Variants in ENO4 observed in about 807,000 individuals in gnomAD.
ENO4 encodes the protein enolase 4.
ENO4 carries 53 observed loss-of-function variants against 63.2 expected under a neutral mutation model. The observed-to-expected ratio is 0.84, with a 90% CI of 0.67 to 1.05. The LOEUF (loss-of-function observed/expected upper bound fraction) is 1.05. ENO4 is among the 50% of genes least tolerant of loss of function. The pLI is 0.00. For synonymous variants in ENO4, 266 were observed against 283.8 expected (o/e 0.94, Z 0.63); for missense variants, 719 against 772.0 (o/e 0.93, Z 0.81).
chr10:116,868,824 C>T (rs148569690), intron 8 of ENO4, 118 bp downstream of exon 8: 12,619 of 882,532 alleles, frequency 0.014, 127 homozygotes, highest in Non-Finnish European at 0.018. Flanking sequence ...AAATGGAAAC[C>T]ATATAGTGAT....
intron 7 of ENO4, among the ~76,000 whole-genome samples, chr10:116,866,080 A>G (rs1846541285): frequency 6.6e-6 from 1 of 152,244 alleles, no homozygotes. Context: ...CTCAGAATCC[A>G]TGATCTTAAT....
chr10:116,900,710 G>A (rs898014275), intron 10 of ENO4: 77 of 983,800 alleles, frequency 7.8e-5, no homozygotes, highest in Non-Finnish European at 8.8e-5. Context: ...GATGGAGAAT[G>A]AATATAGATC....
Position 116,879,856 on chromosome 10 carries a change from T to C in ENO4, c.1606-13T>C, listed in dbSNP as rs182724669. On this transcript the variant is annotated splice_polypyrimidine_tract_variant and intron_variant, in intron 12 of 13. Transcript: ENST00000341276. ...GCTCCTCCGTCTAAAATTAGTTTTT[T>C]CCCCCCTTTCAGGCTGTTGGGCTTG... 34 of 1,545,062 alleles carry C rather than the reference T, an allele frequency of 2.2e-5. No homozygotes were observed. Among genetic ancestry groups the C allele is most frequent in the African/African-American group, 2.1e-4 (15 of 72,602 alleles).
At chr10:116,861,236 A>T (rs1623567) in intron 6 of ENO4, 46 bp downstream of exon 6, 25,082 of 160,224 alleles carry the variant, frequency 0.16, 972 homozygotes, top group Middle Eastern at 0.22. Flanking sequence ...AAAAAAAAAA[A>T]ATATATATAT....
At chr10:116,870,892 G>T (rs1019596063) in intron 8 of ENO4, among the ~76,000 whole-genome samples, 2 of 152,178 alleles carry the variant, frequency 1.3e-5, no homozygotes, top group Middle Eastern at 6.8e-3. Context: ...ACTAAAGAGA[G>T]AAAAGTGCAC....
At chr10:116,885,793 A>T (rs1847146966), downstream of ENO4, 1 of 154,428 alleles carries the variant, frequency 6.5e-6, no homozygotes, top group South Asian at 2.0e-4. Flanking sequence ...CTATGGGACT[A>T]CGAGTTTGAT....
chr10:116,880,678 T>C (rs1278500061), intron 13 of ENO4, among the ~76,000 whole-genome samples: 1 of 152,210 alleles, frequency 6.6e-6, no homozygotes. Context: ...AAAATAAAGA[T>C]ATAATTGGGA....
intron 10 of ENO4, among the ~76,000 whole-genome samples, chr10:116,898,985 G>C (rs1221549290): frequency 6.6e-6 from 1 of 152,042 alleles, no homozygotes; most frequent in Non-Finnish European, 1.5e-5. Flanking sequence ...AAACTTTCTA[G>C]GTATAGTGTG....
chr10:116,879,735 C>T, intron 12 of ENO4, 134 bp from the exon 13 acceptor site: 1 of 702,832 alleles, frequency 1.4e-6, no homozygotes. Context: ...ACTGTGCTTA[C>T]ATAAAGATAA....
chr10:116,893,414 C>T (rs1398028772), intron 10 of ENO4, among the ~76,000 whole-genome samples: 2 of 152,128 alleles, frequency 1.3e-5, no homozygotes, highest in Admixed American at 1.3e-4. Flanking sequence ...ACTAAGATTA[C>T]AGTTGAGAGC....
At chr10:116,854,644 G>A (rs924102555) in intron 1 of ENO4, among the ~76,000 whole-genome samples, 2 of 150,892 alleles carry the variant, frequency 1.3e-5, no homozygotes, top group Non-Finnish European at 3.0e-5. Flanking sequence ...GTTGGTTTCT[G>A]TATCTTGAAA....
rs1848132603 is a variant in ENO4 at position 116,910,148 on chromosome 10, G to A, written c.1195-1351G>A. Among the ~76,000 whole-genome samples, 3 of 152,144 alleles carry A rather than the reference G, an allele frequency of 2.0e-5. No individual in the cohort carries two copies. The South Asian group carries it at 6.2e-4, about 31-fold the overall frequency. On this transcript the variant is annotated intron_variant, in intron 10 of 10. Coordinates refer to the ENO4 transcript ENST00000369207. ...TGGTTTATAGGCTCCAGGTGACAGGGAATTACAAATAGTCCATCCTTCCTC... is the reference window on the plus strand; with the variant it reads ...TGGTTTATAGGCTCCAGGTGACAGGAAATTACAAATAGTCCATCCTTCCTC...
At chr10:116,893,807 T>C (rs755973844) in intron 10 of ENO4, among the ~76,000 whole-genome samples, 5 of 152,196 alleles carry the variant, frequency 3.3e-5, no homozygotes, top group Non-Finnish European at 5.9e-5. Flanking sequence ...GAGAGAATAA[T>C]TTTATGCCAA....
chr10:116,889,608 C>T (rs1407331361), intron 10 of ENO4, among the ~76,000 whole-genome samples: 2 of 152,100 alleles, frequency 1.3e-5, no homozygotes, highest in East Asian at 3.9e-4. Context: ...GGAACTGGCC[C>T]GAAACCACAC....
intron 7 of ENO4, among the ~76,000 whole-genome samples, chr10:116,867,837 TC>T (rs1435804252): frequency 2.0e-5 from 3 of 152,184 alleles, no homozygotes; most frequent in Non-Finnish European, 4.4e-5. Flanking sequence ...CCAAGACTGT[TC>T]TTTAATGTTT....
intron 10 of ENO4, chr10:116,901,221 C>T: frequency 1.0e-6 from 1 of 985,258 alleles, no homozygotes; most frequent in Non-Finnish European, 1.2e-6. Flanking sequence ...GAAACACATT[C>T]AATAGCAGGA....
At chr10:116,894,298 G>T (rs1434133047) in intron 10 of ENO4, among the ~76,000 whole-genome samples, 1 of 152,180 alleles carries the variant, frequency 6.6e-6, no homozygotes, top group Non-Finnish European at 1.5e-5. Flanking sequence ...GGTTTCACTG[G>T]AAATGAACAT....
intron 10 of ENO4, among the ~76,000 whole-genome samples, chr10:116,890,540 T>C (rs1427593329): frequency 6.6e-6 from 1 of 152,252 alleles, no homozygotes; most frequent in Non-Finnish European, 1.5e-5. Context: ...TTCATATAGA[T>C]ATTTTTCACG....
rs140995173 is a variant in ENO4 at position 116,875,208 on chromosome 10, G to A, written c.1342-857G>A. 4.3e-3 allele frequency among the ~76,000 whole-genome samples: 654 copies of A among 152,236 alleles called. 6 individuals carry two copies. Among genetic ancestry groups the A allele is most frequent in the African/African-American group, 0.015 (603 of 41,538 alleles). On this transcript the variant is annotated intron_variant, in intron 10 of 13. Coordinates refer to ENST00000341276, the MANE Select transcript of ENO4 (RefSeq NM_001242699.2). Reference sequence around the variant, plus strand: ...CAATTTGGAGGACGATATAAATGCTGGTCCTGATGTGGAGTCCCAGGGTCT... The same window carrying A: ...CAATTTGGAGGACGATATAAATGCTAGTCCTGATGTGGAGTCCCAGGGTCT...
Sources: allele counts gnomAD v4.1 joint callset (sites outside exome capture counted in the v4.1 genomes callset), GRCh38; gene constraint gnomAD v4.1.1; transcripts MANE v1.5; gene names NCBI Gene and HGNC (gene_info 2026-07-23, HGNC 2026-07-21).